Variants in HTT-AS observed in about 807,000 individuals in gnomAD.
HTT-AS encodes HTT antisense RNA (head to head).
intron 2 of HTT-AS, among the ~76,000 whole-genome samples, chr4:3,055,005 G>A (rs892735045): frequency 2.6e-5 from 4 of 151,906 alleles, no homozygotes; most frequent in South Asian, 2.1e-4. Context: ...GAGTCACCAC[G>A]CCTGGCCAAC....
At chr4:3,070,541 C>A (rs1308488897) in intron 1 of HTT-AS, among the ~76,000 whole-genome samples, 1 of 152,160 alleles carries the variant, frequency 6.6e-6, no homozygotes, top group African/African-American at 2.4e-5. Flanking sequence ...CAGCCCACCT[C>A]GGCCTCCCAA....
At chr4:3,048,973 C>T (rs182796099), downstream of HTT-AS, among the ~76,000 whole-genome samples, 3 of 152,332 alleles carry the variant, frequency 2.0e-5, no homozygotes, top group Admixed American at 2.0e-4. Context: ...TACACTGGAC[C>T]TTCATCTTTT....
intron 1 of HTT-AS, among the ~76,000 whole-genome samples, chr4:3,071,710 T>G (rs1712177346): frequency 6.6e-6 from 1 of 151,636 alleles, no homozygotes; most frequent in South Asian, 2.1e-4. Context: ...TTTAAGGAGG[T>G]AAGGAGGCTA....
intron 1 of HTT-AS, among the ~76,000 whole-genome samples, chr4:3,069,290 C>T (rs1323582068): frequency 6.6e-6 from 1 of 151,014 alleles, no homozygotes; most frequent in Non-Finnish European, 1.5e-5. Flanking sequence ...GGATCACAGG[C>T]ACCTGCCACC....
chr4:3,073,900 C>G (rs1712285046), intron 1 of HTT-AS, among the ~76,000 whole-genome samples: 1 of 152,158 alleles, frequency 6.6e-6, no homozygotes, highest in Non-Finnish European at 1.5e-5. Flanking sequence ...GGAGGGCAAA[C>G]CCCAAGGCCA....
chr4:3,071,633 TC>T (rs965987208), intron 1 of HTT-AS, among the ~76,000 whole-genome samples: 3 of 152,172 alleles, frequency 2.0e-5, no homozygotes, highest in Non-Finnish European at 4.4e-5. Flanking sequence ...ACGAACTGTG[TC>T]CCTCATTCAG....
chr4:3,071,750 C>T (rs947553844), intron 1 of HTT-AS, among the ~76,000 whole-genome samples: 16 of 151,962 alleles, frequency 1.1e-4, no homozygotes, highest in African/African-American at 3.4e-4. Context: ...GGCCATAATC[C>T]GACTGATGTC....
intron 2 of HTT-AS, among the ~76,000 whole-genome samples, chr4:3,054,332 T>C (rs1354710900): frequency 1.3e-5 from 2 of 152,026 alleles, no homozygotes; most frequent in Non-Finnish European, 2.9e-5. Flanking sequence ...AACCATGCCA[T>C]AGATGGCCTG....
intron 2 of HTT-AS, among the ~76,000 whole-genome samples, chr4:3,052,372 T>C (rs1251924045): frequency 6.6e-6 from 1 of 152,140 alleles, no homozygotes; most frequent in African/African-American, 2.4e-5. Flanking sequence ...AAAGTCAGCT[T>C]AATTAAAAGT....
chr4:3,058,240 C>T (rs1051246646), intron 2 of HTT-AS, among the ~76,000 whole-genome samples: 2 of 151,846 alleles, frequency 1.3e-5, no homozygotes, highest in Non-Finnish European at 2.9e-5. Flanking sequence ...GCAGGAGAAT[C>T]GCTTGAACCC....
chr4:3,072,456 C>T (rs1035089666), intron 1 of HTT-AS, among the ~76,000 whole-genome samples: 1 of 152,202 alleles, frequency 6.6e-6, no homozygotes, highest in Non-Finnish European at 1.5e-5. Context: ...TGGTTAGAAG[C>T]AGGCCACCAG....
chr4:3,051,028 ATTTGTGTGTG>A (rs1198975784), intron 2 of HTT-AS, among the ~76,000 whole-genome samples: 13 of 83,308 alleles, frequency 1.6e-4, no homozygotes, highest in East Asian at 5.1e-4. Flanking sequence ...ATCCCTTACA[ATTTGTGTGTG>A]TGTGTGTGTG....
chr4:3,057,897 A>G (rs1313773), intron 2 of HTT-AS, among the ~76,000 whole-genome samples: 66,238 of 151,300 alleles, frequency 0.44, 15,080 homozygotes, highest in South Asian at 0.7. Flanking sequence ...TGCTGGGATT[A>G]CAGGCGTGAG....
At chr4:3,054,010 C>A (rs564575546) in intron 2 of HTT-AS, among the ~76,000 whole-genome samples, 1 of 151,700 alleles carries the variant, frequency 6.6e-6, no homozygotes, top group Non-Finnish European at 1.5e-5. Flanking sequence ...CCCCCGCCTC[C>A]GCCTCCCAAA....
intron 2 of HTT-AS, among the ~76,000 whole-genome samples, chr4:3,052,173 T>C (rs146290799): frequency 6.6e-6 from 1 of 152,220 alleles, no homozygotes; most frequent in Non-Finnish European, 1.5e-5. Flanking sequence ...TACTTTCTAA[T>C]TGATATTTGG....
chr4:3,068,469 C>G (rs1359772562), intron 1 of HTT-AS, among the ~76,000 whole-genome samples: 1 of 151,998 alleles, frequency 6.6e-6, no homozygotes, highest in Non-Finnish European at 1.5e-5. Flanking sequence ...ATAGAAGACC[C>G]ACTGTCCAAG....
intron 1 of HTT-AS, among the ~76,000 whole-genome samples, chr4:3,073,953 C>T (rs1335114336): frequency 6.6e-6 from 1 of 152,076 alleles, no homozygotes; most frequent in Non-Finnish European, 1.5e-5. Context: ...CCGCTCCAGG[C>T]GTCGGCGGGG....
exon 2 of HTT-AS, among the ~76,000 whole-genome samples, chr4:3,062,603 C>T (rs936720060): frequency 2.6e-5 from 4 of 152,160 alleles, no homozygotes; most frequent in Non-Finnish European, 4.4e-5. Flanking sequence ...TTCTCCTGTG[C>T]GCTGATTCTG....
intron 1 of HTT-AS, among the ~76,000 whole-genome samples, chr4:3,068,308 A>G (rs1341901345): frequency 1.4e-5 from 2 of 143,598 alleles, no homozygotes; most frequent in Non-Finnish European, 1.6e-5. Context: ...TCTGTCTCAA[A>G]AAAAAAAAAA....
Sources: gnomAD v4.1 joint callset for allele counts (sites outside exome capture counted in the v4.1 genomes callset) on GRCh38, gnomAD v4.1.1 for gene constraint, MANE v1.5 for transcripts, NCBI Gene and HGNC (gene_info 2026-07-23, HGNC 2026-07-21) for gene names.